Variants in MBP observed in about 807,000 individuals in gnomAD.
MBP encodes Golli-MBP.
MBP carries 16 observed loss-of-function variants against 35.8 expected under a neutral mutation model. The observed-to-expected ratio is 0.45, with a 90% CI of 0.30 to 0.68. The LOEUF (loss-of-function observed/expected upper bound fraction) is 0.68. MBP is among the 30% of genes least tolerant of loss of function. The pLI is 0.08. For missense variants in MBP, 380 were observed against 404.7 expected (o/e 0.94, Z 0.52); for synonymous variants, 143 against 159.6 (o/e 0.90, Z 0.78).
At chr18:76,986,010 G>A (rs1450795039) in intron 7 of MBP, 8 of 985,388 alleles carry the variant, frequency 8.1e-6, no homozygotes, top group Non-Finnish European at 9.6e-6. Context: ...CTGTCTTCTC[G>A]AGTGGGAACT....
At chr18:77,090,277 A>C (rs948174707) in intron 2 of MBP, among the ~76,000 whole-genome samples, 1 of 152,188 alleles carries the variant, frequency 6.6e-6, no homozygotes, top group Non-Finnish European at 1.5e-5. Context: ...ATTAAACGTT[A>C]CTAAATTAAA....
intron 7 of MBP, chr18:76,986,357 T>C (rs931434836): frequency 3.0e-6 from 3 of 985,424 alleles, no homozygotes; most frequent in Non-Finnish European, 3.6e-6. Context: ...AGGGAGGACC[T>C]TGACCAACCT....
At chr18:77,017,359 C>T in intron 3 of MBP, 91 bp from the exon 4 acceptor site, 1 of 1,258,796 alleles carries the variant, frequency 7.9e-7, no homozygotes, top group Non-Finnish European at 1.0e-6. Flanking sequence ...ACCTAGCTGT[C>T]TCCTATAAAA....
At chr18:76,985,354 T>A (rs1599463408) in intron 7 of MBP, 2 of 1,278,440 alleles carry the variant, frequency 1.6e-6, no homozygotes, top group East Asian at 1.1e-4. Flanking sequence ...GCCTGCGCCT[T>A]TGCTGGGGGC....
chr18:76,989,570 G>A lies in MBP; in HGVS notation c.681+386C>T, dbSNP rs1469206487. 1.3e-5 allele frequency among the ~76,000 whole-genome samples: 2 copies of A among 152,100 alleles called. No homozygotes were observed. The highest frequency in any genetic ancestry group is 2.4e-5 in the African/African-American group (1 of 41,404). The stretch of plus-strand genomic sequence containing the variant: ...CAGTCACCATGGCAGCCTCGACAGA[G>A]CGGTTTCGCTGCCCGAAAAATGCCC... On this transcript the variant is annotated intron_variant, in intron 5 of 8. Transcript: ENST00000355994. This position sits in a 1 kb window ranked among gnomAD's most constrained non-coding sequence, Gnocchi z 4.0.
At position 76,988,732 on chromosome 18, in the gene MBP, C is replaced by G; in HGVS notation, c.717+145G>C. ...AGGAGGGGTGCATGGATCTGCCGAC[C>G]TGTTCTACTTGGGAGCTGCCTGGCA... is the stretch of plus-strand genomic sequence containing the variant. On this transcript the variant is annotated intron_variant, in intron 6 of 8. Coordinates refer to ENST00000355994, the MANE Select transcript of MBP (RefSeq NM_001025101.2). The surrounding 1 kb of genome is among the most constrained non-coding windows in gnomAD (Gnocchi z 5.2). The G allele has an allele frequency of 7.6e-7, 1 of 1,318,344 alleles. No individual in the cohort carries two copies. Among genetic ancestry groups the G allele is most frequent in the African/African-American group, 1.5e-5 (1 of 68,014 alleles). 81.7% of individuals were successfully genotyped at this position (1,318,344 alleles called of 1,614,324 possible).
At chr18:76,993,110 T>C (rs887641439) in intron 4 of MBP, among the ~76,000 whole-genome samples, 27 of 152,172 alleles carry the variant, frequency 1.8e-4, no homozygotes, top group African/African-American at 6.3e-4. Context: ...GGCGTAACCA[T>C]GAGCTGCTTG....
intron 1 of MBP, among the ~76,000 whole-genome samples, chr18:77,112,336 C>T (rs1399198932): frequency 6.6e-6 from 1 of 152,228 alleles, no homozygotes; most frequent in Non-Finnish European, 1.5e-5. Context: ...TTCCCACCTT[C>T]CACACACACC....
chr18:77,116,334 C>G (rs1240707952), intron 1 of MBP, among the ~76,000 whole-genome samples: 1 of 152,242 alleles, frequency 6.6e-6, no homozygotes, highest in East Asian at 1.9e-4. Flanking sequence ...GGGCATGCAG[C>G]ATTTTACCGG....
At chr18:77,061,811 G>A (rs546746686) in intron 3 of MBP, among the ~76,000 whole-genome samples, 2 of 152,328 alleles carry the variant, frequency 1.3e-5, no homozygotes, top group East Asian at 3.9e-4. Context: ...ACCAATATAT[G>A]TACTTAAATG....
At chr18:76,980,726 A>C (rs1013689782) in intron 8 of MBP, 5 of 521,818 alleles carry the variant, frequency 9.6e-6, no homozygotes, top group Non-Finnish European at 1.7e-5. Context: ...GGTGCCTGGC[A>C]TAACCACTGC....
At chr18:77,045,485 G>T (rs1297500978) in intron 3 of MBP, among the ~76,000 whole-genome samples, 1 of 152,148 alleles carries the variant, frequency 6.6e-6, no homozygotes, top group African/African-American at 2.4e-5. Context: ...CCTGCACCAG[G>T]TCAGGGTCTC....
At chr18:77,062,335 A>G (rs1164820113) in intron 3 of MBP, among the ~76,000 whole-genome samples, 1 of 152,184 alleles carries the variant, frequency 6.6e-6, no homozygotes, top group Non-Finnish European at 1.5e-5. Context: ...CAGTGTGTGC[A>G]CTACCTGTGG....
At chr18:77,069,825 C>A (rs993209980) in intron 2 of MBP, among the ~76,000 whole-genome samples, 5 of 152,172 alleles carry the variant, frequency 3.3e-5, no homozygotes, top group Non-Finnish European at 7.3e-5. Flanking sequence ...ATCCCTCACA[C>A]CAAAGCGGCC....
intron 2 of MBP, among the ~76,000 whole-genome samples, chr18:77,085,891 C>A (rs1410654617): frequency 6.6e-6 from 1 of 152,004 alleles, no homozygotes; most frequent in Non-Finnish European, 1.5e-5. Flanking sequence ...ACCATGTTGG[C>A]CAGGATGGTC....
chr18:77,091,133 G>A (rs556269393), intron 2 of MBP, among the ~76,000 whole-genome samples: 10 of 152,264 alleles, frequency 6.6e-5, no homozygotes, highest in Admixed American at 4.6e-4. Context: ...CTGGTGTTTT[G>A]TTAAGTGCCT....
chr18:77,095,624 C>G (rs1975727180), intron 2 of MBP: 1 of 152,300 alleles, frequency 6.6e-6, no homozygotes, highest in South Asian at 2.1e-4. Context: ...GAGGGACAAA[C>G]AGCGCATTGG....
chr18:76,985,767 G>A (rs1479257234), intron 7 of MBP: 2 of 997,448 alleles, frequency 2.0e-6, no homozygotes, highest in South Asian at 4.4e-5. Flanking sequence ...CCTCATCTAC[G>A]CAATGGGGCT....
chr18:77,131,821 G>C lies in MBP; in HGVS notation c.-26+759C>G, dbSNP rs1977282798. The stretch of plus-strand genomic sequence containing the variant: ...AGGCAGTGGGGCCCAGGAGGGGACT[G>C]CCGGGAAGACCCGGGCGGGCCGGCG... On this transcript the variant is annotated intron_variant, in intron 1 of 8. Transcript: ENST00000355994. The surrounding 1 kb of genome is among the most constrained non-coding windows in gnomAD (Gnocchi z 5.5). 2 of 152,872 alleles carry C rather than the reference G, an allele frequency of 1.3e-5. No individual in the cohort carries two copies. The highest frequency in any genetic ancestry group is 2.9e-5 in the Non-Finnish European group (2 of 68,654). The allele number at this position is 152,872 out of a possible 1,614,324, so 9.5% of individuals were successfully genotyped here.
Sources: allele counts gnomAD v4.1 joint callset (sites outside exome capture counted in the v4.1 genomes callset), GRCh38; gene constraint gnomAD v4.1.1; non-coding constraint Gnocchi (gnomAD v3.1); transcripts MANE v1.5; gene names NCBI Gene and HGNC (gene_info 2026-07-23, HGNC 2026-07-21).